Variants in KCNH5 observed in about 807,000 individuals in gnomAD.
KCNH5 encodes the protein potassium voltage-gated channel subfamily H member 5, also known as voltage-gated delayed rectifier potassium channel KCNH5.
A neutral mutation model predicts 96.1 loss-of-function variants in KCNH5; 46 were observed. The observed-to-expected ratio is 0.48, with a 90% confidence interval of 0.38 to 0.61. KCNH5 has a LOEUF of 0.61. Ranked by LOEUF, KCNH5 falls within the 20% of genes least tolerant of loss-of-function variation. The probability of loss-of-function intolerance (pLI) is 0.00; values close to 1 mark genes in which losing one functional copy is unlikely to be tolerated. For synonymous variants in KCNH5, 439 were observed against 449.8 expected, an observed-to-expected ratio of 0.98 and a Z score of 0.30; for missense variants, 907 against 1,225.8, an observed-to-expected ratio of 0.74 and a Z score of 3.88.
intron 8 of KCNH5, among the ~76,000 whole-genome samples, chr14:62,830,959 C>T (rs1050014981): frequency 3.3e-5 from 5 of 152,110 alleles, no homozygotes; most frequent in African/African-American, 9.7e-5. Context: ...CCAAGGAAAG[C>T]ATTGCTTTTC....
chr14:62,773,623 C>G (rs1413275989), intron 10 of KCNH5, among the ~76,000 whole-genome samples: 1 of 152,196 alleles, frequency 6.6e-6, no homozygotes, highest in East Asian at 1.9e-4. Flanking sequence ...CGTATAGAAA[C>G]AGCAAATAAA....
chr14:62,980,062 G>T (rs1228878925), intron 6 of KCNH5, among the ~76,000 whole-genome samples: 1 of 152,166 alleles, frequency 6.6e-6, no homozygotes, highest in Non-Finnish European at 1.5e-5. Flanking sequence ...GGTTTTAAAA[G>T]TGGCAGTTTC....
chr14:62,970,477 G>A (rs1439554044), intron 6 of KCNH5, among the ~76,000 whole-genome samples: 2 of 152,120 alleles, frequency 1.3e-5, no homozygotes, highest in African/African-American at 4.8e-5. Context: ...ATACTTTCTT[G>A]TGCATTTTAT....
chr14:62,840,509 CT>C, intron 8 of KCNH5, among the ~76,000 whole-genome samples: 1 of 135,872 alleles, frequency 7.4e-6, no homozygotes, highest in Non-Finnish European at 1.7e-5. Flanking sequence ...TTTCTTTTTT[CT>C]TTTTCTTTTC....
At chr14:62,925,049 A>G (rs1003241183) in intron 7 of KCNH5, among the ~76,000 whole-genome samples, 1 of 151,998 alleles carries the variant, frequency 6.6e-6, no homozygotes, top group African/African-American at 2.4e-5. Flanking sequence ...TACATATTTC[A>G]AGACATCAAT....
intron 6 of KCNH5, among the ~76,000 whole-genome samples, chr14:62,979,847 T>C (rs1890572704): frequency 6.6e-6 from 1 of 152,196 alleles, no homozygotes; most frequent in Non-Finnish European, 1.5e-5. Context: ...GGTGCACTGA[T>C]AACACTGAAG....
At chr14:62,884,785 A>G (rs1445928011) in intron 7 of KCNH5, among the ~76,000 whole-genome samples, 2 of 152,254 alleles carry the variant, frequency 1.3e-5, no homozygotes, top group Non-Finnish European at 2.9e-5. Flanking sequence ...AATGTGGAAA[A>G]TATTAAAGAT....
chr14:63,045,007 C>T, intron 1 of KCNH5, 107 bp downstream of exon 1: 3 of 912,394 alleles, frequency 3.3e-6, no homozygotes, highest in South Asian at 2.8e-5. Flanking sequence ...CCAGGTAAGG[C>T]TGCCTGCATC....
intron 7 of KCNH5, among the ~76,000 whole-genome samples, chr14:62,888,193 A>C (rs534531006): frequency 3.9e-5 from 6 of 152,308 alleles, no homozygotes; most frequent in African/African-American, 1.4e-4. Context: ...GCTTTGAAGA[A>C]AGGGAATGAA....
chr14:63,005,328 C>A (rs1891104228), intron 3 of KCNH5, among the ~76,000 whole-genome samples: 1 of 152,158 alleles, frequency 6.6e-6, no homozygotes, highest in African/African-American at 2.4e-5. Context: ...TGTTAGTCTA[C>A]TAATAAAAAG....
At chr14:62,711,451 GA>G (rs1289334425) in intron 10 of KCNH5, among the ~76,000 whole-genome samples, 1 of 152,256 alleles carries the variant, frequency 6.6e-6, no homozygotes, top group Non-Finnish European at 1.5e-5. Flanking sequence ...TGGTACATTA[GA>G]TGACAGAATT....
At chr14:62,933,209 A>G (rs1335433054) in intron 7 of KCNH5, among the ~76,000 whole-genome samples, 1 of 152,164 alleles carries the variant, frequency 6.6e-6, no homozygotes, top group Non-Finnish European at 1.5e-5. Flanking sequence ...AGAATGGAAG[A>G]GAATTTGGTA....
At chr14:62,805,894 C>G (rs914349361) in intron 8 of KCNH5, among the ~76,000 whole-genome samples, 1 of 152,094 alleles carries the variant, frequency 6.6e-6, no homozygotes, top group South Asian at 2.1e-4. Context: ...GCATGTGAAC[C>G]AGAACAACTC....
intron 9 of KCNH5, among the ~76,000 whole-genome samples, chr14:62,798,984 C>T (rs1258063777): frequency 1.3e-5 from 2 of 152,130 alleles, no homozygotes; most frequent in African/African-American, 2.4e-5. Flanking sequence ...TAGGCAAGTT[C>T]CCATTTTTGT....
At chr14:62,724,798 A>G (rs1359417999) in intron 10 of KCNH5, among the ~76,000 whole-genome samples, 2 of 152,230 alleles carry the variant, frequency 1.3e-5, no homozygotes, top group Non-Finnish European at 2.9e-5. Flanking sequence ...AAGTCAAAGG[A>G]CAAGTATTAG....
chr14:62,939,337 C>G (rs1403621845), intron 7 of KCNH5, among the ~76,000 whole-genome samples: 1 of 152,184 alleles, frequency 6.6e-6, no homozygotes, highest in African/African-American at 2.4e-5. Context: ...TTTATGCTGA[C>G]TGCACCGTAC....
intron 7 of KCNH5, among the ~76,000 whole-genome samples, chr14:62,883,281 T>C (rs1888529248): frequency 6.6e-6 from 1 of 152,214 alleles, no homozygotes; most frequent in African/African-American, 2.4e-5. Flanking sequence ...CTAGGATGTA[T>C]CTAAAAAATT....
chr14:62,744,603 A>G (rs1467883049), intron 10 of KCNH5, among the ~76,000 whole-genome samples: 1 of 152,240 alleles, frequency 6.6e-6, no homozygotes, highest in Non-Finnish European at 1.5e-5. Context: ...AAAGACAAAA[A>G]GAACTGTTCA....
chr14:62,774,122 G>T (rs895387750), intron 10 of KCNH5, among the ~76,000 whole-genome samples: 3 of 152,144 alleles, frequency 2.0e-5, no homozygotes, highest in Non-Finnish European at 4.4e-5. Context: ...GGGAAAAGGG[G>T]CATGGGCAAA....
Sources: allele counts gnomAD v4.1 joint callset (sites outside exome capture counted in the v4.1 genomes callset), GRCh38; gene constraint gnomAD v4.1.1; transcripts MANE v1.5; gene names NCBI Gene and HGNC (gene_info 2026-07-23, HGNC 2026-07-21).